Variants in CDH18 observed in about 807,000 individuals in gnomAD.
CDH18 encodes cadherin-18.
A neutral mutation model predicts 67.9 loss-of-function variants in CDH18; 31 were observed. That is an observed-to-expected ratio of 0.46 (90% CI 0.34 to 0.62). The LOEUF (loss-of-function observed/expected upper bound fraction) is 0.62. Among genes scored for constraint, CDH18 ranks in the 20% least tolerant of loss-of-function variants. CDH18 has a pLI of 0.01. For missense variants in CDH18, 890 were observed against 975.5 expected, an observed-to-expected ratio of 0.91 and a Z score of 1.17; for synonymous variants, 362 against 347.2, an observed-to-expected ratio of 1.04 and a Z score of -0.48.
At chr5:20,010,237 T>C (rs138720366) in intron 2 of CDH18, among the ~76,000 whole-genome samples, 1,531 of 151,784 alleles carry the variant, frequency 0.01, 12 homozygotes, top group South Asian at 0.026. Flanking sequence ...TCACTCCTTC[T>C]TTTTAATTTT....
chr5:20,470,832 C>T (rs1752005700), intron 1 of CDH18, among the ~76,000 whole-genome samples: 1 of 152,188 alleles, frequency 6.6e-6, no homozygotes, highest in African/African-American at 2.4e-5. Flanking sequence ...CCAAGCTATT[C>T]CAAGTAGGGA....
At chr5:19,884,193 A>C (rs953990087) in intron 2 of CDH18, among the ~76,000 whole-genome samples, 6 of 152,138 alleles carry the variant, frequency 3.9e-5, no homozygotes, top group Non-Finnish European at 8.8e-5. Flanking sequence ...AAAAAGTCTG[A>C]AAACAAATTT....
intron 1 of CDH18, among the ~76,000 whole-genome samples, chr5:20,293,765 C>A (rs2149948774): frequency 6.6e-6 from 1 of 152,202 alleles, no homozygotes; most frequent in African/African-American, 2.4e-5. Flanking sequence ...TTAGATAATT[C>A]ACTTCTTTTG....
intron 1 of CDH18, among the ~76,000 whole-genome samples, chr5:20,419,849 A>G (rs372386539): frequency 2.0e-5 from 3 of 150,954 alleles, no homozygotes; most frequent in East Asian, 3.9e-4. Flanking sequence ...ATGGGTAGAC[A>G]AGGTCTATCC....
intron 9 of CDH18, among the ~76,000 whole-genome samples, chr5:19,539,051 A>G (rs956161007): frequency 1.9e-4 from 29 of 152,308 alleles, no homozygotes; most frequent in Admixed American, 1.8e-3. Flanking sequence ...CAATGTTCCC[A>G]ATGACATTAA....
chr5:20,273,248 T>C (rs1489457725), intron 1 of CDH18, among the ~76,000 whole-genome samples: 1 of 152,104 alleles, frequency 6.6e-6, no homozygotes, highest in Non-Finnish European at 1.5e-5. Flanking sequence ...ATATGGTGCC[T>C]ATAAATATTA....
intron 2 of CDH18, among the ~76,000 whole-genome samples, chr5:20,077,102 C>G (rs1561771249): frequency 6.6e-6 from 1 of 151,988 alleles, no homozygotes; most frequent in African/African-American, 2.4e-5. Flanking sequence ...TCTTGTAACC[C>G]CTACTCCAAG....
chr5:20,013,329 T>C (rs1347476464), intron 2 of CDH18, among the ~76,000 whole-genome samples: 1 of 152,082 alleles, frequency 6.6e-6, no homozygotes, highest in Non-Finnish European at 1.5e-5. Flanking sequence ...CTCTCTCTCA[T>C]TGGGACGCTT....
At chr5:19,906,557 T>C (rs1790564537) in intron 2 of CDH18, among the ~76,000 whole-genome samples, 1 of 151,986 alleles carries the variant, frequency 6.6e-6, no homozygotes, top group Non-Finnish European at 1.5e-5. Flanking sequence ...CCTTTCTTCT[T>C]GGCTTCTTCT....
chr5:20,562,815 T>C (rs1053845832), intron 1 of CDH18, among the ~76,000 whole-genome samples: 3 of 151,918 alleles, frequency 2.0e-5, no homozygotes, highest in African/African-American at 7.2e-5. Flanking sequence ...TAGGTTTAAA[T>C]CATAGAATAA....
chr5:20,092,627 T>TG (rs1745543124), intron 2 of CDH18, among the ~76,000 whole-genome samples: 1 of 152,188 alleles, frequency 6.6e-6, no homozygotes, highest in African/African-American at 2.4e-5. Flanking sequence ...TATATGTGTA[T>TG]TTTTTAAGGT....
At chr5:19,622,526 C>A (rs1039061528) in intron 5 of CDH18, among the ~76,000 whole-genome samples, 12 of 152,280 alleles carry the variant, frequency 7.9e-5, no homozygotes, top group South Asian at 6.2e-4. Context: ...TTTGTGCTGG[C>A]CTGTGACTGC....
intron 2 of CDH18, among the ~76,000 whole-genome samples, chr5:20,002,666 C>G (rs910377995): frequency 6.6e-6 from 1 of 152,204 alleles, no homozygotes. Context: ...GATGAGAACA[C>G]ATTACAAAAG....
At chr5:20,297,779 T>G (rs1747655854) in intron 1 of CDH18, among the ~76,000 whole-genome samples, 1 of 152,178 alleles carries the variant, frequency 6.6e-6, no homozygotes, top group African/African-American at 2.4e-5. Flanking sequence ...GTGATCCAAA[T>G]GAACCCCACT....
chr5:19,537,619 T>C (rs1360947469), intron 9 of CDH18, among the ~76,000 whole-genome samples: 1 of 152,094 alleles, frequency 6.6e-6, no homozygotes, highest in Non-Finnish European at 1.5e-5. Context: ...TTATCCTCCC[T>C]ATGAAACCTT....
intron 8 of CDH18, among the ~76,000 whole-genome samples, chr5:19,557,615 C>T (rs1376043768): frequency 6.6e-6 from 1 of 152,020 alleles, no homozygotes; most frequent in Non-Finnish European, 1.5e-5. Context: ...GCACCTAACA[C>T]TGCAGATCCC....
intron 2 of CDH18, among the ~76,000 whole-genome samples, chr5:20,172,101 C>T (rs969616161): frequency 1.4e-5 from 2 of 146,362 alleles, no homozygotes; most frequent in Non-Finnish European, 3.0e-5. Context: ...TGCCTAGTCC[C>T]CCACCCTAAC....
intron 6 of CDH18, among the ~76,000 whole-genome samples, chr5:19,602,028 T>G (rs1447797608): frequency 6.6e-6 from 1 of 152,136 alleles, no homozygotes; most frequent in African/African-American, 2.4e-5. Flanking sequence ...GCATTTACTG[T>G]AAGACCAGGA....
At chr5:19,645,022 C>G (rs896963347) in intron 5 of CDH18, among the ~76,000 whole-genome samples, 6 of 152,148 alleles carry the variant, frequency 3.9e-5, no homozygotes, top group South Asian at 4.1e-4. Flanking sequence ...TTCTGCTCTG[C>G]AAAATAAGAG....
Sources: gnomAD v4.1 joint callset for allele counts (sites outside exome capture counted in the v4.1 genomes callset) on GRCh38, gnomAD v4.1.1 for gene constraint, MANE v1.5 for transcripts, NCBI Gene and HGNC (gene_info 2026-07-23, HGNC 2026-07-21) for gene names.